Variants in B4GALT6 observed in about 807,000 individuals in gnomAD.
The protein encoded by B4GALT6 is UDP-Gal:beta-GlcNAc beta-1,4-galactosyltransferase 6.
In B4GALT6, 14 loss-of-function variants were observed where a neutral mutation model predicts 46.3. The ratio of observed to expected loss-of-function variants is 0.30; its 90% CI spans 0.20 to 0.47. The LOEUF (loss-of-function observed/expected upper bound fraction) is 0.47, where lower values mean the gene tolerates loss of function less well. Among genes scored for constraint, B4GALT6 ranks in the 20% least tolerant of loss-of-function variants. The pLI is 0.99. For synonymous variants in B4GALT6, 168 were observed against 162.0 expected (o/e 1.04, Z -0.28); for missense variants, 386 against 480.1 (o/e 0.80, Z 1.83).
chr18:31,700,218 G>T, the B4GALT6 span, among the ~76,000 whole-genome samples: 7 of 151,830 alleles, frequency 4.6e-5, no homozygotes, highest in African/African-American at 1.4e-4. Flanking sequence ...AAACTGTTCA[G>T]CAAAACTAAA....
At chr18:31,634,098 C>T (rs1458702347) in intron 5 of B4GALT6, among the ~76,000 whole-genome samples, 1 of 152,132 alleles carries the variant, frequency 6.6e-6, no homozygotes, top group Non-Finnish European at 1.5e-5. Flanking sequence ...CCTGCCACAG[C>T]TGGAGGGGTG....
At chr18:31,630,102 G>T (rs1453768301) in intron 6 of B4GALT6, among the ~76,000 whole-genome samples, 1 of 145,696 alleles carries the variant, frequency 6.9e-6, no homozygotes, top group East Asian at 2.1e-4. Context: ...GGGAAGGAGG[G>T]GAGCGGGAGT....
the B4GALT6 span, among the ~76,000 whole-genome samples, chr18:31,691,820 C>T: frequency 6.6e-6 from 1 of 152,058 alleles, no homozygotes; most frequent in African/African-American, 2.4e-5. Flanking sequence ...GGACTAGCAA[C>T]GTCCTCTCTT....
chr18:31,704,947 T>G, the B4GALT6 span, among the ~76,000 whole-genome samples: 2 of 152,194 alleles, frequency 1.3e-5, no homozygotes, highest in African/African-American at 4.8e-5. Flanking sequence ...TAGATTAATA[T>G]TCTATCTACC....
intron 3 of B4GALT6, among the ~76,000 whole-genome samples, chr18:31,654,860 T>C (rs1013826215): frequency 6.6e-6 from 1 of 152,260 alleles, no homozygotes; most frequent in African/African-American, 2.4e-5. Context: ...TGCATTGTTC[T>C]CTATTATCAA....
chr18:31,677,540 C>T (rs537938217), intron 1 of B4GALT6, among the ~76,000 whole-genome samples: 1 of 152,168 alleles, frequency 6.6e-6, no homozygotes, highest in Non-Finnish European at 1.5e-5. Flanking sequence ...TTTCCAAAGG[C>T]ATGTTAAAGG....
chr18:31,677,209 CTAAGTA>C (rs894664138), intron 1 of B4GALT6, among the ~76,000 whole-genome samples: 26 of 152,302 alleles, frequency 1.7e-4, no homozygotes, highest in African/African-American at 6.0e-4. Context: ...TTTGAAATTA[CTAAGTA>C]TATTTTCCTA....
the B4GALT6 span, among the ~76,000 whole-genome samples, chr18:31,722,175 G>A: frequency 6.6e-6 from 1 of 151,948 alleles, no homozygotes; most frequent in Non-Finnish European, 1.5e-5. Context: ...AAAGCTTCCT[G>A]TATTCTTTTA....
In B4GALT6 at chr18:31,626,331, T is replaced by A; in HGVS notation, c.953A>T (p.Tyr318Phe). 1 of 1,609,704 alleles carries A rather than the reference T, an allele frequency of 6.2e-7. No homozygotes were observed. The highest frequency in any genetic ancestry group is 8.5e-7 in the Non-Finnish European group (1 of 1,177,086). The change falls in exon 8 of 9, where the codon TAC (tyrosine) becomes TTC (phenylalanine). Residue 318 changes from tyrosine to phenylalanine, a missense_variant. Physicochemically the swap from Tyr to Phe is conservative, Grantham distance 22 (BLOSUM62 3). Around this residue, in one of 2 missense-constraint regions of B4GALT6, gnomAD observed 323 missense variants for 438.9 expected, o/e 0.74. Transcript: ENST00000306851. ...VTRPEGDLGK[Y>F]KSIPHHHRGE... is the part of the protein sequence containing the mutation. ...TCTATGGTGATGAGGAATTGACTTG[T>A]ATTTTCCTAAGTCTCCCTCTGGTCT...
intron 2 of B4GALT6, among the ~76,000 whole-genome samples, chr18:31,663,831 T>C (rs891222313): frequency 5.3e-5 from 8 of 152,238 alleles, no homozygotes; most frequent in Non-Finnish European, 1.2e-4. Flanking sequence ...TTTCTTAATA[T>C]TGTGTCTCCA....
chr18:31,665,495 T>C (rs993009029), intron 2 of B4GALT6, among the ~76,000 whole-genome samples: 6 of 152,082 alleles, frequency 3.9e-5, no homozygotes, highest in African/African-American at 9.7e-5. Flanking sequence ...ATCCCAGCAC[T>C]TTCGGAGGCT....
intron 5 of B4GALT6, among the ~76,000 whole-genome samples, chr18:31,636,861 G>A (rs541207812): frequency 2.7e-4 from 41 of 151,750 alleles, no homozygotes; most frequent in African/African-American, 7.5e-4. Context: ...TCGCTCTGCC[G>A]CCCAGGCTGA....
intron 7 of B4GALT6, 99 bp from the exon 8 acceptor site, chr18:31,626,483 G>A (rs745403224): frequency 1.9e-5 from 12 of 630,388 alleles, no homozygotes; most frequent in Middle Eastern, 3.7e-4. Flanking sequence ...CTCTAATCCA[G>A]GGTTCCCCAA....
At chr18:31,678,956 CG>C (rs2074448593) in intron 1 of B4GALT6, among the ~76,000 whole-genome samples, 1 of 152,170 alleles carries the variant, frequency 6.6e-6, no homozygotes. Context: ...TTCCACAGGA[CG>C]GGTTAGGAAA....
upstream of B4GALT6, among the ~76,000 whole-genome samples, chr18:31,685,423 G>C (rs1013300945): frequency 6.6e-6 from 1 of 151,452 alleles, no homozygotes; most frequent in Admixed American, 6.6e-5. Context: ...GGACCGGCGG[G>C]AACGTCTCGA....
chr18:31,669,517 C>T (rs2074325194), intron 1 of B4GALT6, among the ~76,000 whole-genome samples: 1 of 152,052 alleles, frequency 6.6e-6, no homozygotes, highest in African/African-American at 2.4e-5. Context: ...CTTGTATAGA[C>T]TTTTTTCTAA....
In B4GALT6 at chr18:31,625,206, C is replaced by T. The variant is rs891229191; in HGVS notation, c.*408G>A. 76 of 157,842 alleles carry T rather than the reference C, an allele frequency of 4.8e-4. No individual in the cohort carries two copies. The highest frequency in any genetic ancestry group is 1.4e-3 in the African/African-American group (60 of 41,626). The allele number at this position is 157,842 out of a possible 1,614,324, so 9.8% of individuals were successfully genotyped here. ...TATAAAAGTCCAATAAAGGTATAAC[C>T]GATTACATGCAAAACTGCAACACAT... On this transcript the variant is annotated 3_prime_UTR_variant, in exon 9 of 9. Coordinates refer to ENST00000306851, the MANE Select transcript of B4GALT6 (RefSeq NM_004775.5).
intron 3 of B4GALT6, among the ~76,000 whole-genome samples, chr18:31,649,783 A>AAGGAGACG (rs1366723643): frequency 9.9e-5 from 15 of 152,186 alleles, no homozygotes; most frequent in African/African-American, 3.4e-4. Flanking sequence ...TTGGGAAGAA[A>AAGGAGACG]AGGAGATGCT....
intron 5 of B4GALT6, among the ~76,000 whole-genome samples, chr18:31,637,825 C>T (rs571321859): frequency 2.0e-5 from 3 of 152,126 alleles, no homozygotes; most frequent in African/African-American, 7.2e-5. Flanking sequence ...CTGTACGGTG[C>T]TTTGGTATAA....
Sources: allele counts gnomAD v4.1 joint callset (sites outside exome capture counted in the v4.1 genomes callset), GRCh38; gene constraint gnomAD v4.1.1; regional missense constraint gnomAD v4.1.1; transcripts MANE v1.5; gene names NCBI Gene and HGNC (gene_info 2026-07-23, HGNC 2026-07-21).